ABCC1: variants seen among roughly 807,000 people sequenced by gnomAD.
ABCC1 encodes the protein ATP binding cassette subfamily C member 1 (ABCC1 blood group).
ABCC1 carries 83 observed loss-of-function variants against 172.9 expected under a neutral mutation model. The observed-to-expected ratio is 0.48, with a 90% CI of 0.40 to 0.58. The LOEUF (loss-of-function observed/expected upper bound fraction) is 0.58. ABCC1 is among the 20% of genes least tolerant of loss of function. The pLI is 0.00. For synonymous variants in ABCC1, 937 were observed against 825.2 expected (o/e 1.14, Z -2.32); for missense variants, 1,817 against 2,002.7 (o/e 0.91, Z 1.77).
chr16:16,127,307 A>G (rs212080), intron 26 of ABCC1, among the ~76,000 whole-genome samples: 4,454 of 152,210 alleles, frequency 0.029, 177 homozygotes, highest in East Asian at 0.13. Flanking sequence ...CCCAGGCTCA[A>G]GTGATTCTCC....
intron 3 of ABCC1, among the ~76,000 whole-genome samples, chr16:16,011,512 C>G (rs750069768): frequency 2.0e-5 from 3 of 152,154 alleles, no homozygotes; most frequent in Non-Finnish European, 2.9e-5. Flanking sequence ...CAGAGTCATA[C>G]TCTGTTGCCC....
chr16:16,092,489 ATGT>A (rs1179691674), intron 19 of ABCC1, among the ~76,000 whole-genome samples: 1 of 152,196 alleles, frequency 6.6e-6, no homozygotes, highest in Non-Finnish European at 1.5e-5. Context: ...AATAGGTGGA[ATGT>A]TGTGACTGGC....
At chr16:16,093,917 G>A (rs1415333811) in intron 19 of ABCC1, among the ~76,000 whole-genome samples, 3 of 151,544 alleles carry the variant, frequency 2.0e-5, no homozygotes, top group African/African-American at 4.9e-5. Flanking sequence ...CCTCTCTCCC[G>A]GGATATTCAG....
chr16:16,114,537 C>G (rs2044761209), intron 22 of ABCC1, among the ~76,000 whole-genome samples: 1 of 152,036 alleles, frequency 6.6e-6, no homozygotes, highest in Non-Finnish European at 1.5e-5. Context: ...GACGGAGTTT[C>G]ACTGTGTTGG....
chr16:15,960,628 A>G (rs1211485026), intron 1 of ABCC1, among the ~76,000 whole-genome samples: 1 of 152,100 alleles, frequency 6.6e-6, no homozygotes, highest in Non-Finnish European at 1.5e-5. Context: ...GGTGCAAACT[A>G]CTACGGAGGG....
intron 1 of ABCC1, among the ~76,000 whole-genome samples, chr16:15,965,295 T>C (rs894202201): frequency 6.6e-6 from 1 of 151,946 alleles, no homozygotes; most frequent in East Asian, 1.9e-4. Flanking sequence ...CTTTTTTTTT[T>C]TTATTATTAT....
Position 16,052,757 on chromosome 16 carries a change from G to T in ABCC1, c.1414G>T (p.Val472Leu), listed in dbSNP as rs1433327389. The T allele has an allele frequency of 2.0e-5, 32 of 1,614,160 alleles. No individual in the cohort carries two copies. The highest frequency in any genetic ancestry group is 2.7e-5 in the Non-Finnish European group (32 of 1,180,028). Residue 472 changes from valine (V) to leucine (L), a missense_variant, in exon 11 of 31, where the codon GTG becomes TTG. Val to Leu is a conservative substitution (Grantham distance 32). Transcript: ENST00000399410. Reference protein sequence around the residue: ...LGPSVLAGVAVMVLMVPVNAV... With the variant: ...LGPSVLAGVALMVLMVPVNAV... ...CCCTTCCGTCCTGGCTGGAGTGGCG[G>T]TGATGGTCCTCATGGTGCCCGTCAA...
At chr16:15,962,917 C>T (rs1442444723) in intron 1 of ABCC1, among the ~76,000 whole-genome samples, 24 of 152,200 alleles carry the variant, frequency 1.6e-4, no homozygotes, top group Admixed American at 1.6e-3. Context: ...CCCAACAGTT[C>T]CCCAAAGTCT....
chr16:16,044,761 G>A (rs1303014206), intron 8 of ABCC1, 81 bp downstream of exon 8: 2 of 1,348,034 alleles, frequency 1.5e-6, no homozygotes, highest in African/African-American at 2.9e-5. Context: ...ATAACCCTGG[G>A]GTCATGCTGT....
At chr16:16,084,562 C>T (rs974451923) in intron 17 of ABCC1, among the ~76,000 whole-genome samples, 2 of 146,732 alleles carry the variant, frequency 1.4e-5, no homozygotes, top group South Asian at 2.2e-4. Flanking sequence ...CAGGGTTTCA[C>T]CATGTTGGCC....
At chr16:16,001,272 C>T (rs987925780) in intron 1 of ABCC1, among the ~76,000 whole-genome samples, 6 of 152,132 alleles carry the variant, frequency 3.9e-5, no homozygotes, top group Non-Finnish European at 4.4e-5. Context: ...AGTGCAGTGG[C>T]GCGATCTCGG....
chr16:16,097,208 G>A (rs1403475522), intron 19 of ABCC1, among the ~76,000 whole-genome samples: 1 of 152,148 alleles, frequency 6.6e-6, no homozygotes, highest in African/African-American at 2.4e-5. Flanking sequence ...CACCTCCTGG[G>A]TCCAAGTGAT....
chr16:16,032,502 G>A (rs912558620), intron 5 of ABCC1, among the ~76,000 whole-genome samples: 1 of 152,174 alleles, frequency 6.6e-6, no homozygotes, highest in African/African-American at 2.4e-5. Context: ...TTGGCACAAG[G>A]GTTGTGCTCA....
At chr16:15,991,002 G>A (rs995300701) in intron 1 of ABCC1, among the ~76,000 whole-genome samples, 3 of 151,936 alleles carry the variant, frequency 2.0e-5, no homozygotes, top group African/African-American at 7.3e-5. Context: ...ATAGTCCATG[G>A]CATGTATAGA....
At chr16:16,096,858 C>G (rs370573946) in intron 19 of ABCC1, among the ~76,000 whole-genome samples, 5 of 152,182 alleles carry the variant, frequency 3.3e-5, no homozygotes, top group East Asian at 3.9e-4. Flanking sequence ...AAACCCAACA[C>G]CTGGTGGTTG....
At chr16:15,971,381 T>C (rs1466978907) in intron 1 of ABCC1, among the ~76,000 whole-genome samples, 1 of 152,196 alleles carries the variant, frequency 6.6e-6, no homozygotes, top group Non-Finnish European at 1.5e-5. Flanking sequence ...CATGTTTGGG[T>C]GGACCCAGTT....
At chr16:16,102,503 T>G in intron 19 of ABCC1, 124 bp from the exon 20 acceptor site, 3 of 821,722 alleles carry the variant, frequency 3.7e-6, no homozygotes, top group East Asian at 5.3e-5. Context: ...TCTCCTACTT[T>G]CTGATCATCC....
intron 26 of ABCC1, among the ~76,000 whole-genome samples, chr16:16,130,810 C>T (rs1011445098): frequency 6.6e-6 from 1 of 152,160 alleles, no homozygotes; most frequent in Non-Finnish European, 1.5e-5. Context: ...TAAAAGTTTA[C>T]CTATCATGTT....
At chr16:15,989,690 G>C (rs769228062) in intron 1 of ABCC1, among the ~76,000 whole-genome samples, 13 of 151,956 alleles carry the variant, frequency 8.6e-5, no homozygotes, top group South Asian at 2.1e-4. Context: ...AATCCAGGAC[G>C]GTCCTGCCCC....
Sources: allele counts gnomAD v4.1 joint callset (sites outside exome capture counted in the v4.1 genomes callset), GRCh38; gene constraint gnomAD v4.1.1; transcripts MANE v1.5; gene names NCBI Gene and HGNC (gene_info 2026-07-23, HGNC 2026-07-21).